The following PPP2R3A variants were observed in gnomAD, a reference collection of about 807,000 sequenced individuals.
PPP2R3A encodes the protein protein phosphatase 2 regulatory subunit B''alpha.
A neutral mutation model predicts 106.9 loss-of-function variants in PPP2R3A; 80 were observed. The ratio of observed to expected loss-of-function variants is 0.75; its 90% CI spans 0.62 to 0.90. PPP2R3A has a LOEUF of 0.90. Among genes scored for constraint, PPP2R3A ranks in the 40% least tolerant of loss-of-function variants. The pLI is 0.00. For missense variants in PPP2R3A, 1,386 were observed against 1,350.4 expected, an observed-to-expected ratio of 1.03 and a Z score of -0.41; for synonymous variants, 483 against 468.3, an observed-to-expected ratio of 1.03 and a Z score of -0.41.
At chr3:136,032,463 A>G (rs1333654374) in intron 3 of PPP2R3A, among the ~76,000 whole-genome samples, 1 of 151,170 alleles carries the variant, frequency 6.6e-6, no homozygotes, top group Admixed American at 6.6e-5. Context: ...GTAAACGATC[A>G]TATCATCAGC....
At chr3:136,097,587 C>T (rs1415330122) in intron 10 of PPP2R3A, among the ~76,000 whole-genome samples, 1 of 152,152 alleles carries the variant, frequency 6.6e-6, no homozygotes, top group African/African-American at 2.4e-5. Flanking sequence ...TGTCTTAGTT[C>T]TTAATTGAAA....
At chr3:136,082,946 T>C (rs1467273613) in intron 8 of PPP2R3A, among the ~76,000 whole-genome samples, 2 of 152,220 alleles carry the variant, frequency 1.3e-5, no homozygotes, top group Non-Finnish European at 2.9e-5. Flanking sequence ...AAATTACATA[T>C]CACATGATAA....
At chr3:135,999,297 G>T (rs529078614) in intron 1 of PPP2R3A, among the ~76,000 whole-genome samples, 1 of 152,240 alleles carries the variant, frequency 6.6e-6, no homozygotes, top group South Asian at 2.1e-4. Flanking sequence ...GACTGACAAG[G>T]TTAACCACCT....
intron 5 of PPP2R3A, among the ~76,000 whole-genome samples, chr3:136,056,656 G>A (rs1301287146): frequency 1.3e-5 from 2 of 151,986 alleles, no homozygotes; most frequent in African/African-American, 2.4e-5. Flanking sequence ...AAGGCTGCGT[G>A]ACACTCGTCT....
intron 13 of PPP2R3A, among the ~76,000 whole-genome samples, chr3:136,144,669 A>T (rs1374986882): frequency 6.6e-6 from 1 of 152,100 alleles, no homozygotes; most frequent in South Asian, 2.1e-4. Context: ...TCAAAAAAAA[A>T]AAAGGTTTGC....
chr3:136,024,073 C>G (rs1934563363), intron 2 of PPP2R3A, among the ~76,000 whole-genome samples: 1 of 152,030 alleles, frequency 6.6e-6, no homozygotes, highest in South Asian at 2.1e-4. Flanking sequence ...CATAATAGCA[C>G]AAGGATACTA....
chr3:136,061,220 T>C (rs1936064728), intron 5 of PPP2R3A, among the ~76,000 whole-genome samples: 1 of 152,156 alleles, frequency 6.6e-6, no homozygotes, highest in Admixed American at 6.5e-5. Flanking sequence ...GGAATTTTAA[T>C]ATCTAACTAA....
intron 4 of PPP2R3A, among the ~76,000 whole-genome samples, chr3:136,047,257 G>A (rs1401129073): frequency 1.3e-5 from 2 of 152,170 alleles, no homozygotes; most frequent in Non-Finnish European, 2.9e-5. Context: ...TCAAAGAACA[G>A]AGTTTACATT....
At chr3:136,126,319 T>C (rs1224040038) in intron 13 of PPP2R3A, among the ~76,000 whole-genome samples, 1 of 152,224 alleles carries the variant, frequency 6.6e-6, no homozygotes, top group Non-Finnish European at 1.5e-5. Context: ...GGAGATTCTC[T>C]CCCGTGCCTG....
In PPP2R3A at chr3:136,139,691, CAAAAAAA is replaced by C. The variant is rs778189558; in HGVS notation, c.3330-5340_3330-5334del. Among the ~76,000 whole-genome samples the C allele has an allele frequency of 1.1e-4, 6 of 54,772 alleles. No individual in the cohort carries two copies. In the South Asian group the frequency reaches 2.2e-3, roughly 21 times the overall value. 35.9% of individuals were successfully genotyped at this position (54,772 alleles called of 152,430 possible). A position where few individuals can be genotyped will look rare whatever the true frequency, so the allele number is the denominator to read the frequency against. ...CTGGTGACAGAGCGAGACTCCATCT[CAAAAAAA>C]AAAAAAAAAAAGAGTTTGTTCTCAG... is the stretch of plus-strand genomic sequence containing the variant. On this transcript the variant is annotated intron_variant, in intron 13 of 13. Coordinates refer to ENST00000264977, the MANE Select transcript of PPP2R3A (RefSeq NM_002718.5).
chr3:135,997,466 C>A (rs2107782061), intron 1 of PPP2R3A, among the ~76,000 whole-genome samples: 1 of 152,206 alleles, frequency 6.6e-6, no homozygotes, highest in East Asian at 1.9e-4. Flanking sequence ...TCAACTTTTC[C>A]TCAGTCCAGA....
intron 3 of PPP2R3A, among the ~76,000 whole-genome samples, chr3:136,034,446 A>ATC (rs1935015003): frequency 6.6e-6 from 1 of 152,196 alleles, no homozygotes; most frequent in Admixed American, 6.5e-5. Context: ...AGTTTGAAGA[A>ATC]TGTTTTAATT....
At chr3:136,003,798 G>A (rs1254342905) in intron 2 of PPP2R3A, among the ~76,000 whole-genome samples, 3 of 152,090 alleles carry the variant, frequency 2.0e-5, no homozygotes, top group East Asian at 3.8e-4. Flanking sequence ...TCATCTTTAT[G>A]GTGGAAATAA....
chr3:136,123,063 G>A (rs1413681244), intron 13 of PPP2R3A, among the ~76,000 whole-genome samples: 2 of 151,718 alleles, frequency 1.3e-5, no homozygotes, highest in Non-Finnish European at 2.9e-5. Context: ...AGTTAAAAAT[G>A]ACCAGTTGCT....
At chr3:136,095,114 A>G (rs914324390) in intron 10 of PPP2R3A, among the ~76,000 whole-genome samples, 1 of 152,004 alleles carries the variant, frequency 6.6e-6, no homozygotes, top group Non-Finnish European at 1.5e-5. Context: ...TGCCCTGTTA[A>G]TTCTCCAGCA....
In PPP2R3A at chr3:136,124,284, G is replaced by A. The variant is rs149568365; in HGVS notation, c.3329+17962G>A. 2.6e-5 allele frequency among the ~76,000 whole-genome samples: 4 copies of A among 152,292 alleles called. No individual in the cohort carries two copies. In the East Asian group the frequency reaches 7.7e-4, roughly 29 times the overall value. On this transcript the variant is annotated intron_variant, in intron 13 of 13. Coordinates refer to ENST00000264977, the MANE Select transcript of PPP2R3A (RefSeq NM_002718.5). ...TTGGGAAGATTGCGTGGGGCCAGGA[G>A]TTCAAGATCAGACTGGGCAGCACAG...
At chr3:136,134,853 G>C (rs1938544810) in intron 13 of PPP2R3A, among the ~76,000 whole-genome samples, 1 of 151,996 alleles carries the variant, frequency 6.6e-6, no homozygotes, top group Non-Finnish European at 1.5e-5. Context: ...CCCAAAGACA[G>C]GCTGTTTTAT....
rs1030776053 is a variant in PPP2R3A, at chr3:136,140,801, T to G, written c.3330-4242T>G. Among the ~76,000 whole-genome samples the G allele has an allele frequency of 1.2e-4, 18 of 150,856 alleles. No individual in the cohort carries two copies. In the South Asian group the frequency reaches 2.9e-3, roughly 25 times the overall value. ...GGCACACGCCTATAATCCCAGCTAC[T>G]CAGGAGGCTGAGGCAGGATAATTGC... On this transcript the variant is annotated intron_variant, in intron 13 of 13. Transcript: ENST00000264977.
intron 1 of PPP2R3A, among the ~76,000 whole-genome samples, chr3:135,981,226 G>A (rs1015103754): frequency 6.6e-6 from 1 of 151,740 alleles, no homozygotes; most frequent in African/African-American, 2.4e-5. Context: ...GCATCTTGTT[G>A]GCGGTGTTTC....
Sources: allele counts gnomAD v4.1 joint callset (sites outside exome capture counted in the v4.1 genomes callset), GRCh38; gene constraint gnomAD v4.1.1; transcripts MANE v1.5; gene names NCBI Gene and HGNC (gene_info 2026-07-23, HGNC 2026-07-21).